GNAL: variants seen among roughly 807,000 people sequenced by gnomAD.
The protein encoded by GNAL is guanine nucleotide-binding protein G(olf) subunit alpha.
Under a neutral mutation model 55.1 loss-of-function variants are expected in GNAL, and 18 were observed. The ratio of observed to expected loss-of-function variants is 0.33; its 90% CI spans 0.23 to 0.48. The LOEUF is 0.48. Among genes scored for constraint, GNAL ranks in the 20% least tolerant of loss-of-function variants. The pLI, the probability that GNAL is intolerant of heterozygous loss-of-function variation, is 0.99. For synonymous variants in GNAL, 253 were observed against 237.0 expected (o/e 1.07, Z -0.62); for missense variants, 412 against 614.1 (o/e 0.67, Z 3.48).
In GNAL at chr18:11,852,051, G is replaced by T. The variant is rs141531709; in HGVS notation, c.723-10344G>T. The T allele has an allele frequency of 9.9e-5, 159 of 1,613,592 alleles. No homozygotes were observed. In the African/African-American group the frequency reaches 1.1e-3, roughly 11 times the overall value. ...AGACCGGCTCCGTGGGCACGAGCGT[G>T]GCTTCGGCGGAGCAGGATGAACTGT... On this transcript the variant is annotated intron_variant, in intron 5 of 11. Transcript: ENST00000334049.
chr18:11,742,574 C>G (rs556153732), intron 1 of GNAL, among the ~76,000 whole-genome samples: 1 of 152,256 alleles, frequency 6.6e-6, no homozygotes, highest in Non-Finnish European at 1.5e-5. Context: ...GCCAAGAACA[C>G]GCATTCTGGG....
At chr18:11,841,514 C>T (rs754183900) in intron 5 of GNAL, among the ~76,000 whole-genome samples, 3 of 151,776 alleles carry the variant, frequency 2.0e-5, no homozygotes, top group Non-Finnish European at 4.4e-5. Context: ...GGCATGGTGA[C>T]GCATGCTGTA....
intron 4 of GNAL, among the ~76,000 whole-genome samples, chr18:11,809,102 A>T (rs1036762465): frequency 6.6e-6 from 1 of 152,150 alleles, no homozygotes; most frequent in Non-Finnish European, 1.5e-5. Flanking sequence ...TACCTAAAAA[A>T]CAAAAATTAG....
At chr18:11,744,571 C>T (rs977264121) in intron 1 of GNAL, among the ~76,000 whole-genome samples, 13 of 152,220 alleles carry the variant, frequency 8.5e-5, no homozygotes, top group African/African-American at 2.9e-4. Context: ...AAGGGACCCC[C>T]ATCTGAGGGC....
chr18:11,689,712 G>A lies in GNAL; in HGVS notation c.149G>A (p.Arg50Gln), dbSNP rs1301086100. 4.7e-5 allele frequency: 71 copies of A among 1,495,318 alleles called. No homozygotes were observed. The Admixed American group carries it at 5.5e-4, about 11-fold the overall frequency. 92.6% of individuals were successfully genotyped at this position (1,495,318 alleles called of 1,614,324 possible). A position where few individuals can be genotyped will look rare whatever the true frequency, so the allele number is the denominator to read the frequency against. Residue 50 changes from arginine (R) to glutamine (Q), a missense_variant, in exon 1 of 12, where the codon CGG becomes CAG. Around this residue, in one of 5 missense-constraint regions of GNAL, gnomAD observed 228 missense variants for 194.8 expected, o/e 1.17. Transcript: ENST00000334049. ...PVRAAARDTA[R>Q]TLLPRGGEGS... ...CGGGCGGCCGCAAGGGACACGGCCCGGACCCTGCTCCCTCGGGGCGGCGAA... is the reference window on the plus strand; with the variant it reads ...CGGGCGGCCGCAAGGGACACGGCCCAGACCCTGCTCCCTCGGGGCGGCGAA...
At chr18:11,771,713 T>G (rs1425715640) in intron 4 of GNAL, among the ~76,000 whole-genome samples, 1 of 151,156 alleles carries the variant, frequency 6.6e-6, no homozygotes, top group Non-Finnish European at 1.5e-5. Context: ...GTGCAAATTT[T>G]TTTGTTGTTT....
At chr18:11,725,352 T>A (rs1001668990) in intron 1 of GNAL, among the ~76,000 whole-genome samples, 19 of 152,092 alleles carry the variant, frequency 1.2e-4, no homozygotes, top group African/African-American at 4.6e-4. Flanking sequence ...GAGGACGCCA[T>A]CCGCAAGCCA....
chr18:11,786,834 A>G lies in GNAL; in HGVS notation c.624+32889A>G, dbSNP rs993369962. Reference sequence around the variant, plus strand: ...CTCTGTTAATCCAGCTCACCTTTATACTTCCCAATCTAATCAAACTACTGA... The same window carrying G: ...CTCTGTTAATCCAGCTCACCTTTATGCTTCCCAATCTAATCAAACTACTGA... On this transcript the variant is annotated intron_variant, in intron 4 of 11. Transcript: ENST00000334049. Among the ~76,000 whole-genome samples, 7 of 152,120 alleles carry G rather than the reference A, an allele frequency of 4.6e-5. No homozygotes were observed. In the South Asian group the frequency reaches 6.2e-4, roughly 14 times the overall value.
intron 5 of GNAL, among the ~76,000 whole-genome samples, chr18:11,836,902 A>G (rs543401456): frequency 6.6e-6 from 1 of 152,340 alleles, no homozygotes; most frequent in South Asian, 2.1e-4. Flanking sequence ...AACTGTCATC[A>G]ACTTCACATC....
chr18:11,734,394 G>C (rs947703903), intron 1 of GNAL, among the ~76,000 whole-genome samples: 3 of 151,962 alleles, frequency 2.0e-5, no homozygotes, highest in Admixed American at 6.6e-5. Flanking sequence ...ACCCGCCTTG[G>C]CCTTCCAGAG....
At chr18:11,767,709 G>C (rs1354723477) in intron 4 of GNAL, among the ~76,000 whole-genome samples, 1 of 152,060 alleles carries the variant, frequency 6.6e-6, no homozygotes, top group Non-Finnish European at 1.5e-5. Context: ...GCACTTGCAC[G>C]CTTGCTGTCT....
At chr18:11,792,817 A>G (rs1321126086) in intron 4 of GNAL, among the ~76,000 whole-genome samples, 1 of 152,176 alleles carries the variant, frequency 6.6e-6, no homozygotes, top group Non-Finnish European at 1.5e-5. Flanking sequence ...CAAACTACCA[A>G]CCTGGTGACA....
intron 4 of GNAL, among the ~76,000 whole-genome samples, chr18:11,797,947 G>A (rs1175469734): frequency 6.6e-6 from 1 of 152,146 alleles, no homozygotes; most frequent in Non-Finnish European, 1.5e-5. Context: ...GAGGGTTAGT[G>A]AATTAACCAG....
At chr18:11,830,795 T>A (rs2035363652) in intron 5 of GNAL, among the ~76,000 whole-genome samples, 1 of 151,996 alleles carries the variant, frequency 6.6e-6, no homozygotes, top group African/African-American at 2.4e-5. Context: ...TACTCGGCAA[T>A]GAAAAGGAAT....
In GNAL at chr18:11,885,418, C is replaced by T. The variant is rs1261178301; in HGVS notation, c.*4283C>T. The T allele has an allele frequency of 5.3e-5, 26 of 489,208 alleles. No individual in the cohort carries two copies. Among genetic ancestry groups the T allele is most frequent in the African/African-American group, 7.8e-5 (4 of 51,608 alleles). The allele number at this position is 489,208 out of a possible 1,614,324, so 30.3% of individuals were successfully genotyped here. On this transcript the variant is annotated 3_prime_UTR_variant, in exon 12 of 12. Coordinates refer to ENST00000334049, the MANE Select transcript of GNAL (RefSeq NM_182978.4). ...ACACAGAGTGTAAGAGGAGAGGATA[C>T]GGCCCTCCCTGAAGGATAAAGTCCA...
chr18:11,793,856 G>A (rs1014342821), intron 4 of GNAL, among the ~76,000 whole-genome samples: 5 of 150,298 alleles, frequency 3.3e-5, no homozygotes. Context: ...GTTGCAGTGA[G>A]CCGAGATTGC....
In GNAL at chr18:11,881,119, A is replaced by G; in HGVS notation, c.1361A>G (p.Gln454Arg). The change falls in exon 12 of 12, where the codon CAG becomes CGG. Residue 454 changes from glutamine to arginine, a missense_variant. Physicochemically the swap from Gln to Arg is conservative, Grantham distance 43 (BLOSUM62 1). This residue lies in a region of GNAL where 79 missense variants were observed against 127.1 expected (regional missense o/e 0.62). Transcript: ENST00000334049. The surrounding 1 kb of genome is among the most constrained non-coding windows in gnomAD (Gnocchi z 4.8). ...ATCATCCAGCGGATGCACCTCAAGC[A>G]GTATGAGCTCTTGTGAGGATGCTGC... ...RDIIQRMHLK[Q>R]YELL is the part of the protein sequence containing the mutation. 6.2e-7 allele frequency: 1 copy of G among 1,610,598 alleles called. No homozygotes were observed. Among genetic ancestry groups the G allele is most frequent in the Non-Finnish European group, 8.5e-7 (1 of 1,178,258 alleles).
chr18:11,787,808 A>C (rs1291535857), intron 4 of GNAL, among the ~76,000 whole-genome samples: 23 of 151,052 alleles, frequency 1.5e-4, no homozygotes, highest in Admixed American at 1.5e-3. Flanking sequence ...CGAGAGGTGG[A>C]GCTTGCAGTG....
chr18:11,689,578 C>T lies in GNAL; in HGVS notation c.15C>T (p.Tyr5=), dbSNP rs1005653996. The part of the protein sequence containing the change: MGLC[Y]SLRPLLFGGP... The stretch of plus-strand genomic sequence containing the variant: ...GCCGCGCCCACATGGGTCTGTGCTA[C>T]AGTCTGCGGCCGCTGCTTTTCGGGG... The change falls in exon 1 of 12, where the codon TAC becomes TAT. Residue 5 remains tyrosine (Y), a synonymous_variant. Coordinates refer to ENST00000334049, the MANE Select transcript of GNAL (RefSeq NM_182978.4). 2.3e-6 allele frequency: 3 copies of T among 1,327,388 alleles called. No homozygotes were observed. The highest frequency in any genetic ancestry group is 1.6e-5 in the African/African-American group (1 of 64,388). The allele number at this position is 1,327,388 out of a possible 1,614,324, so 82.2% of individuals were successfully genotyped here.
Sources: allele counts gnomAD v4.1 joint callset (sites outside exome capture counted in the v4.1 genomes callset), GRCh38; gene constraint gnomAD v4.1.1; regional missense constraint gnomAD v4.1.1; non-coding constraint Gnocchi (gnomAD v3.1); transcripts MANE v1.5; gene names NCBI Gene and HGNC (gene_info 2026-07-23, HGNC 2026-07-21).